Variants in RCBTB1 observed in about 807,000 individuals in gnomAD.
RCBTB1 encodes RCC1 and BTB domain containing protein 1, also known as RCC1 and BTB domain-containing protein 1.
RCBTB1 carries 46 observed loss-of-function variants against 62.4 expected under a neutral mutation model. The observed-to-expected ratio is 0.74, with a 90% CI of 0.58 to 0.94. The LOEUF is 0.94. Among genes scored for constraint, RCBTB1 ranks in the 40% least tolerant of loss-of-function variants. The pLI is 0.00. For missense variants in RCBTB1, 565 were observed against 654.9 expected (o/e 0.86, Z 1.50); for synonymous variants, 222 against 245.8 (o/e 0.90, Z 0.91).
chr13:49,583,967 T>C (rs1214907884), intron 1 of RCBTB1, among the ~76,000 whole-genome samples: 1 of 152,148 alleles, frequency 6.6e-6, no homozygotes, highest in Non-Finnish European at 1.5e-5. Context: ...TGACTTACTG[T>C]TTAATGTAGT....
chr13:49,566,456 G>C (rs1403897826), intron 4 of RCBTB1, among the ~76,000 whole-genome samples, 162 bp downstream of exon 4: 3 of 152,134 alleles, frequency 2.0e-5, no homozygotes, highest in Non-Finnish European at 4.4e-5. Flanking sequence ...TCCAGAGTTA[G>C]CCCGAAGTGT....
chr13:49,551,724 C>A (rs1478409574), intron 7 of RCBTB1, among the ~76,000 whole-genome samples: 1 of 152,088 alleles, frequency 6.6e-6, no homozygotes, highest in Non-Finnish European at 1.5e-5. Context: ...CACGGTGAAA[C>A]CCCGTCTCTA....
chr13:49,547,166 T>C (rs1208890131), intron 9 of RCBTB1: 1 of 1,193,990 alleles, frequency 8.4e-7, no homozygotes, highest in South Asian at 1.3e-5. Flanking sequence ...CCAATCACAA[T>C]ACTCACTGCA....
chr13:49,548,545 G>A (rs7996207), intron 9 of RCBTB1, among the ~76,000 whole-genome samples: 83,751 of 151,564 alleles, frequency 0.55, 24,832 homozygotes, highest in Non-Finnish European at 0.68. Flanking sequence ...TCAAAGGTGG[G>A]AACAACCCAC....
rs201415093 is a variant in RCBTB1 at position 49,552,220 on chromosome 13, G to A, written c.669C>T (p.Thr223=). Residue 223 remains threonine, a synonymous_variant, in exon 7 of 13, where the codon ACC becomes ACT. Coordinates refer to ENST00000378302, the MANE Select transcript of RCBTB1 (RefSeq NM_018191.4). ...LGLGNNGNQL[T]PVRVAALHSV... The stretch of plus-strand genomic sequence containing the variant: ...TGTGCAAAGCTGCCACTCTCACAGG[G>A]GTCAGCTGGTTGCCATTGTTTCCCA... 9.4e-6 allele frequency: 15 copies of A among 1,596,008 alleles called. No homozygotes were observed. The East Asian group carries it at 3.1e-4, about 33-fold the overall frequency.
chr13:49,557,324 GA>G (rs1310647620), intron 5 of RCBTB1, among the ~76,000 whole-genome samples: 2 of 152,076 alleles, frequency 1.3e-5, no homozygotes, highest in African/African-American at 4.8e-5. Flanking sequence ...AATGGAAATG[GA>G]GAGGAACAAA....
rs190142426 is a variant in RCBTB1, at chr13:49,537,522, C to T, written c.1456-3260G>A. ...CTTCAGAATTAGATTCCTGGGCTCA[C>T]GTTTATCGCTTCCCTCCAAAAGCAA... is the stretch of plus-strand genomic sequence containing the variant. On this transcript the variant is annotated intron_variant, in intron 12 of 12. Transcript: ENST00000378302. Among the ~76,000 whole-genome samples the T allele has an allele frequency of 1.2e-4, 19 of 152,300 alleles. No homozygotes were observed. In the South Asian group the frequency reaches 2.1e-3, roughly 17 times the overall value.
At chr13:49,567,344 G>A in intron 2 of RCBTB1, 24 bp from the exon 3 acceptor site, 5 of 1,549,120 alleles carry the variant, frequency 3.2e-6, no homozygotes, top group South Asian at 1.2e-5. Flanking sequence ...AAGGATTCCA[G>A]AAAAAAATTA....
At chr13:49,547,416 A>G (rs1183397517) in intron 9 of RCBTB1, among the ~76,000 whole-genome samples, 1 of 152,224 alleles carries the variant, frequency 6.6e-6, no homozygotes, top group African/African-American at 2.4e-5. Flanking sequence ...ACTGCCAAGA[A>G]CTACATTAAT....
At chr13:49,536,348 G>A (rs545395280) in intron 12 of RCBTB1, among the ~76,000 whole-genome samples, 1 of 152,302 alleles carries the variant, frequency 6.6e-6, no homozygotes, top group South Asian at 2.1e-4. Flanking sequence ...TCACCAGAGA[G>A]TCGCACAGTC....
At chr13:49,573,534 C>T (rs983273902) in intron 2 of RCBTB1, among the ~76,000 whole-genome samples, 19 of 151,494 alleles carry the variant, frequency 1.3e-4, no homozygotes, top group Admixed American at 3.3e-4. Context: ...CTGCAATCTC[C>T]GCCTCCTGGG....
chr13:49,566,507 A>G, intron 4 of RCBTB1, 111 bp downstream of exon 4: 1 of 1,048,716 alleles, frequency 9.5e-7, no homozygotes, highest in Non-Finnish European at 1.4e-6. Flanking sequence ...TCAGAAATTA[A>G]GAAGCAAACA....
chr13:49,543,274 GAA>G (rs976839712), intron 10 of RCBTB1, among the ~76,000 whole-genome samples: 2 of 151,526 alleles, frequency 1.3e-5, no homozygotes, highest in African/African-American at 4.9e-5. Context: ...AAAAAAAAAA[GAA>G]AAAGAATCCA....
chr13:49,536,664 G>C (rs1005311625), intron 12 of RCBTB1, among the ~76,000 whole-genome samples: 19 of 152,150 alleles, frequency 1.2e-4, no homozygotes, highest in Admixed American at 1.3e-4. Flanking sequence ...GTTCCCGACA[G>C]AATGAAAGTC....
In RCBTB1 at chr13:49,552,305, A is replaced by G. The variant is rs186520371; in HGVS notation, c.604-20T>C. 125 of 1,508,776 alleles carry G rather than the reference A, an allele frequency of 8.3e-5. No homozygotes were observed. In the East Asian group the frequency reaches 2.0e-3, roughly 25 times the overall value. The allele number at this position is 1,508,776 out of a possible 1,614,324, so 93.5% of individuals were successfully genotyped here. A position where few individuals can be genotyped will look rare whatever the true frequency, so the allele number is the denominator to read the frequency against. On this transcript the variant is annotated intron_variant, in intron 6 of 12. Coordinates refer to ENST00000378302, the MANE Select transcript of RCBTB1 (RefSeq NM_018191.4). ...ATATACCTTAGAGAGGACAGAAGGG[A>G]GAGAGTGAGATTTTTAAACTGCTGG...
chr13:49,567,261 A>G lies in RCBTB1; in HGVS notation c.19T>C (p.Trp7Arg). ...GGGGAGAGTAGAGTGAAGATGGGCC[A>G]CTTTCCGACATCCACCATGACTCTG... MVDVGK[W>R]PIFTLLSPQE... Residue 7 changes from tryptophan to arginine, a missense_variant, in exon 3 of 13, where the codon TGG (tryptophan) becomes CGG (arginine). Trp to Arg is a moderately radical substitution (Grantham distance 101). Transcript: ENST00000378302. 6.2e-7 allele frequency: 1 copy of G among 1,614,054 alleles called. No individual in the cohort carries two copies. The highest frequency in any genetic ancestry group is 8.5e-7 in the Non-Finnish European group (1 of 1,180,018).
intron 8 of RCBTB1, 187 bp from the exon 9 acceptor site, chr13:49,549,835 A>G: frequency 1.0e-6 from 1 of 985,340 alleles, no homozygotes; most frequent in Non-Finnish European, 1.2e-6. Flanking sequence ...CTCCTTTCCC[A>G]AATGCCCACT....
intron 1 of RCBTB1, among the ~76,000 whole-genome samples, chr13:49,584,516 T>C (rs1395971804): frequency 6.6e-6 from 1 of 152,230 alleles, no homozygotes; most frequent in Non-Finnish European, 1.5e-5. Flanking sequence ...CTCTAAAGTT[T>C]AAAGCACCTA....
At chr13:49,582,534 A>G (rs953446879) in intron 1 of RCBTB1, among the ~76,000 whole-genome samples, 8 of 152,188 alleles carry the variant, frequency 5.3e-5, no homozygotes, top group Non-Finnish European at 1.2e-4. Context: ...TGTAGAAAGG[A>G]GCAAGTCTTC....
Sources: allele counts gnomAD v4.1 joint callset (sites outside exome capture counted in the v4.1 genomes callset), GRCh38; gene constraint gnomAD v4.1.1; transcripts MANE v1.5; gene names NCBI Gene and HGNC (gene_info 2026-07-23, HGNC 2026-07-21).